The following KIAA0319 variants were observed in gnomAD, a reference collection of about 807,000 sequenced individuals.
KIAA0319 encodes KIAA0319.
A neutral mutation model predicts 108.4 loss-of-function variants in KIAA0319; 83 were observed. That is an observed-to-expected ratio of 0.77 (90% CI 0.64 to 0.92). The LOEUF (loss-of-function observed/expected upper bound fraction) is 0.92. KIAA0319 is among the 40% of genes least tolerant of loss of function. The probability of loss-of-function intolerance (pLI) is 0.00; values close to 1 mark genes in which losing one functional copy is unlikely to be tolerated. For missense variants in KIAA0319, 1,195 were observed against 1,322.4 expected (o/e 0.90, Z 1.49); for synonymous variants, 484 against 510.4 (o/e 0.95, Z 0.70).
chr6:24,629,349 A>G (rs1775180048), intron 1 of KIAA0319, among the ~76,000 whole-genome samples: 1 of 151,782 alleles, frequency 6.6e-6, no homozygotes, highest in African/African-American at 2.4e-5. Context: ...CCCCATCTCT[A>G]CTAAAAATAC....
rs565027230 is a variant in KIAA0319 at position 24,639,104 on chromosome 6, G to A, written c.-106+6632C>T. ...TCGTAAAGCTAGAGGGAAAAAATAT[G>A]TAAAGAGATAATGGCAAACAATTTT... On this transcript the variant is annotated intron_variant, in intron 1 of 20. Transcript: ENST00000378214. 5.3e-5 allele frequency among the ~76,000 whole-genome samples: 8 copies of A among 152,132 alleles called. No homozygotes were observed. In the East Asian group the frequency reaches 1.4e-3, roughly 26 times the overall value.
intron 3 of KIAA0319, among the ~76,000 whole-genome samples, chr6:24,595,072 C>A (rs930766252): frequency 2.0e-5 from 3 of 152,252 alleles, no homozygotes; most frequent in Admixed American, 1.3e-4. Context: ...CGTTTTATGA[C>A]GCTTAAGTTC....
chr6:24,608,176 A>G (rs934036084), intron 1 of KIAA0319, among the ~76,000 whole-genome samples: 16 of 152,102 alleles, frequency 1.1e-4, no homozygotes, highest in African/African-American at 3.6e-4. Flanking sequence ...TTGCACATCT[A>G]TTTTAAGACA....
At chr6:24,633,795 C>T (rs1353829257) in intron 1 of KIAA0319, among the ~76,000 whole-genome samples, 1 of 151,722 alleles carries the variant, frequency 6.6e-6, no homozygotes, top group African/African-American at 2.4e-5. Flanking sequence ...ATGTAAAACC[C>T]CAAATGACTT....
intron 3 of KIAA0319, among the ~76,000 whole-genome samples, chr6:24,595,241 C>T (rs1325421094): frequency 6.6e-6 from 1 of 152,074 alleles, no homozygotes; most frequent in Non-Finnish European, 1.5e-5. Flanking sequence ...TACCATCTCC[C>T]GTTGCCTTAA....
In KIAA0319 at chr6:24,599,138, G is replaced by T; in HGVS notation, c.55+1911C>A. On this transcript the variant is annotated intron_variant, in intron 2 of 20. Coordinates refer to ENST00000378214, the MANE Select transcript of KIAA0319 (RefSeq NM_014809.4). This position sits in a 1 kb window ranked among gnomAD's most constrained non-coding sequence, Gnocchi z 4.1. ...TGGACATGGACAGCATCATTGCTGA[G>T]GTCAAGGCCCAGTACAAGGAGATCA... 1.6e-6 allele frequency: 1 copy of T among 636,268 alleles called. No individual in the cohort carries two copies. Among genetic ancestry groups the T allele is most frequent in the Non-Finnish European group, 2.8e-6 (1 of 352,502 alleles). The allele number at this position is 636,268 out of a possible 1,614,324, so 39.4% of individuals were successfully genotyped here. A position where few individuals can be genotyped will look rare whatever the true frequency, so the allele number is the denominator to read the frequency against.
intron 1 of KIAA0319, among the ~76,000 whole-genome samples, chr6:24,615,061 A>C (rs1772958701): frequency 6.6e-6 from 1 of 152,280 alleles, no homozygotes; most frequent in Admixed American, 6.5e-5. Context: ...AATAATTAAA[A>C]GTGAACTGTA....
At chr6:24,586,591 C>A (rs1293734179) in intron 4 of KIAA0319, among the ~76,000 whole-genome samples, 3 of 152,186 alleles carry the variant, frequency 2.0e-5, no homozygotes, top group African/African-American at 7.2e-5. Context: ...AATCCTCTTT[C>A]CTTGTTTTAG....
At position 24,546,762 on chromosome 6, in the gene KIAA0319, C is replaced by T. The variant is rs183048309; in HGVS notation, c.*403G>A. 2.1e-4 allele frequency: 37 copies of T among 173,304 alleles called. No homozygotes were observed. In the East Asian group the frequency reaches 4.4e-3, roughly 21 times the overall value. The allele number at this position is 173,304 out of a possible 1,614,324, so 10.7% of individuals were successfully genotyped here. A position where few individuals can be genotyped will look rare whatever the true frequency, so the allele number is the denominator to read the frequency against. On this transcript the variant is annotated 3_prime_UTR_variant, in exon 21 of 21. Transcript: ENST00000378214. ...TGACTGCAGGTCCTACAAGAGAAACCGTGTTTAGAATGCTGTTCCTTAGAG... is the reference window on the plus strand; with the variant it reads ...TGACTGCAGGTCCTACAAGAGAAACTGTGTTTAGAATGCTGTTCCTTAGAG...
chr6:24,637,883 A>T (rs780581307), intron 1 of KIAA0319, among the ~76,000 whole-genome samples: 1 of 152,166 alleles, frequency 6.6e-6, no homozygotes, highest in Non-Finnish European at 1.5e-5. Context: ...GTAGAATCCA[A>T]AGTCTACCTT....
At chr6:24,570,158 TC>T (rs1764489882) in intron 11 of KIAA0319, 123 bp from the exon 12 acceptor site, 1 of 879,638 alleles carries the variant, frequency 1.1e-6, no homozygotes, top group East Asian at 2.7e-5. Flanking sequence ...GTATGCAGCA[TC>T]CTTTGGAATC....
At chr6:24,553,100 T>C (rs114503596) in intron 19 of KIAA0319, among the ~76,000 whole-genome samples, 1,573 of 151,916 alleles carry the variant, frequency 0.01, 26 homozygotes, top group African/African-American at 0.035. Context: ...AAAAGTTCTC[T>C]TTGGCGGTGT....
chr6:24,621,984 G>A (rs1295667101), intron 1 of KIAA0319, among the ~76,000 whole-genome samples: 1 of 152,202 alleles, frequency 6.6e-6, no homozygotes, highest in Non-Finnish European at 1.5e-5. Flanking sequence ...CCTCCATGGG[G>A]CCCTGGTGGC....
intron 1 of KIAA0319, among the ~76,000 whole-genome samples, chr6:24,618,330 C>G (rs1377726540): frequency 6.6e-6 from 1 of 151,932 alleles, no homozygotes; most frequent in African/African-American, 2.4e-5. Context: ...AATTACAGGC[C>G]AAGTAGAATG....
intron 2 of KIAA0319, among the ~76,000 whole-genome samples, chr6:24,600,287 G>GA (rs1770428214): frequency 6.6e-6 from 1 of 152,136 alleles, no homozygotes; most frequent in Non-Finnish European, 1.5e-5. Flanking sequence ...CACTAAGCAG[G>GA]AATGAGTTTA....
At chr6:24,559,628 AAAGG>A (rs796237978) in intron 16 of KIAA0319, among the ~76,000 whole-genome samples, 4 of 152,150 alleles carry the variant, frequency 2.6e-5, no homozygotes, top group Non-Finnish European at 5.9e-5. Context: ...AAAAAAAAAA[AAAGG>A]AGCAATGTAT....
chr6:24,581,727 A>C lies in KIAA0319; in HGVS notation c.1191+522T>G, dbSNP rs150866376. Reference sequence around the variant, plus strand: ...TGGGACAACCAGGCTCTTTTCCCCAAACTGAGATATACTAAGTAACCCAAA... The same window carrying C: ...TGGGACAACCAGGCTCTTTTCCCCACACTGAGATATACTAAGTAACCCAAA... On this transcript the variant is annotated intron_variant, in intron 6 of 20. Transcript: ENST00000378214. 1.8e-3 allele frequency among the ~76,000 whole-genome samples: 276 copies of C among 152,312 alleles called. 2 individuals are homozygous for C. The highest frequency in any genetic ancestry group is 5.9e-3 in the African/African-American group (244 of 41,576).
chr6:24,578,233 T>C lies in KIAA0319; in HGVS notation c.1382A>G (p.Asp461Gly). ...ATGATAACTCACTATTTCAGTATCA[T>C]CTGTACTTTCTACAAGATTAAGAAA... ...SALIDGSQST[D>G]DTEIVSYHWE... Residue 461 changes from aspartate to glycine, a missense_variant, in exon 9 of 21, where the codon GAT becomes GGT. By Grantham distance (94) the Asp-to-Gly change is moderately conservative. Coordinates refer to ENST00000378214, the MANE Select transcript of KIAA0319 (RefSeq NM_014809.4). 1 of 1,595,820 alleles carries C rather than the reference T, an allele frequency of 6.3e-7. No homozygotes were observed. Among genetic ancestry groups the C allele is most frequent in the Non-Finnish European group, 8.6e-7 (1 of 1,166,200 alleles).
rs141432914 is a variant in KIAA0319 at position 24,633,809 on chromosome 6, A to G, written c.-106+11927T>C. Among the ~76,000 whole-genome samples the G allele has an allele frequency of 3.2e-3, 485 of 152,338 alleles. 3 individuals carry two copies. Among genetic ancestry groups the G allele is most frequent in the African/African-American group, 0.01 (436 of 41,592 alleles). ...AATGTAAAACCCCAAATGACTTTTTATTCGGACTTATTCTACAACAAACTA... is the reference window on the plus strand; with the variant it reads ...AATGTAAAACCCCAAATGACTTTTTGTTCGGACTTATTCTACAACAAACTA... On this transcript the variant is annotated intron_variant, in intron 1 of 20. Coordinates refer to ENST00000378214, the MANE Select transcript of KIAA0319 (RefSeq NM_014809.4).
Sources: gnomAD v4.1 joint callset for allele counts (sites outside exome capture counted in the v4.1 genomes callset) on GRCh38, gnomAD v4.1.1 for gene constraint, Gnocchi (gnomAD v3.1) non-coding constraint, MANE v1.5 for transcripts, NCBI Gene and HGNC (gene_info 2026-07-23, HGNC 2026-07-21) for gene names.